Variants in KCNMA1 observed in about 807,000 individuals in gnomAD.
KCNMA1 encodes Calcium-activated potassium channel subunit alpha-1.
Under a neutral mutation model 140.0 loss-of-function variants are expected in KCNMA1, and 29 were observed. That is an observed-to-expected ratio of 0.21 (90% confidence interval 0.15 to 0.28). KCNMA1 has a LOEUF of 0.28. Ranked by LOEUF, KCNMA1 falls within the 10% of genes least tolerant of loss-of-function variation. KCNMA1 has a pLI of 1.00. For synonymous variants in KCNMA1, 612 were observed against 611.9 expected (o/e 1.00, Z 0.00); for missense variants, 880 against 1,602.2 (o/e 0.55, Z 7.70).
At chr10:77,102,376 T>C (rs1057302278) in intron 9 of KCNMA1, among the ~76,000 whole-genome samples, 2 of 152,008 alleles carry the variant, frequency 1.3e-5, no homozygotes, top group South Asian at 2.1e-4. Context: ...CAGGAGGGAA[T>C]AGTGTGCGCT....
At chr10:77,392,659 G>A (rs2095875182) in intron 2 of KCNMA1, among the ~76,000 whole-genome samples, 1 of 152,266 alleles carries the variant, frequency 6.6e-6, no homozygotes, top group Non-Finnish European at 1.5e-5. Flanking sequence ...AGGAATGGAT[G>A]AAGGGATGGA....
chr10:77,142,077 C>T (rs1024990440), intron 5 of KCNMA1, among the ~76,000 whole-genome samples: 2 of 152,064 alleles, frequency 1.3e-5, no homozygotes, highest in Admixed American at 1.3e-4. Context: ...TAAAGAAAAA[C>T]CCTAAGTAGG....
At chr10:77,014,357 T>A (rs956341856) in intron 17 of KCNMA1, among the ~76,000 whole-genome samples, 4 of 147,796 alleles carry the variant, frequency 2.7e-5, no homozygotes, top group Non-Finnish European at 5.9e-5. Flanking sequence ...ATCCAGGAGG[T>A]GGAGGTTGCA....
intron 1 of KCNMA1, among the ~76,000 whole-genome samples, chr10:77,419,298 C>A (rs558939686): frequency 6.6e-6 from 1 of 152,284 alleles, no homozygotes; most frequent in South Asian, 2.1e-4. Context: ...ACTTTGCTGG[C>A]GTCTTGGAAA....
intron 1 of KCNMA1, among the ~76,000 whole-genome samples, chr10:77,545,694 G>T (rs2061316314): frequency 6.6e-6 from 1 of 152,194 alleles, no homozygotes. Context: ...CCGATTTCAG[G>T]GAAATATTCT....
intron 20 of KCNMA1, among the ~76,000 whole-genome samples, chr10:76,966,958 C>T (rs546088698): frequency 6.6e-6 from 1 of 152,264 alleles, no homozygotes. Context: ...ACCTAATGAT[C>T]GTGCAGAGTT....
chr10:77,392,887 G>C (rs539574041), intron 2 of KCNMA1, among the ~76,000 whole-genome samples: 35 of 152,194 alleles, frequency 2.3e-4, no homozygotes, highest in Non-Finnish European at 4.9e-4. Context: ...GGGAGAAGTG[G>C]ATACGGAGAC....
chr10:76,969,100 C>G (rs1216023822), intron 20 of KCNMA1, among the ~76,000 whole-genome samples: 1 of 151,922 alleles, frequency 6.6e-6, no homozygotes, highest in Admixed American at 6.6e-5. Context: ...GAAAAAAATG[C>G]TGGGATTGGC....
chr10:76,934,237 G>A (rs1231756753), intron 23 of KCNMA1, among the ~76,000 whole-genome samples: 1 of 152,206 alleles, frequency 6.6e-6, no homozygotes, highest in African/African-American at 2.4e-5. Flanking sequence ...CCCCCAGTGT[G>A]CTGGGATTAC....
chr10:77,493,108 T>TG, intron 1 of KCNMA1, among the ~76,000 whole-genome samples: 1 of 152,354 alleles, frequency 6.6e-6, no homozygotes, highest in East Asian at 1.9e-4. Context: ...CCACAGTTCC[T>TG]GGCACTAGGT....
At chr10:76,895,606 T>TA (rs2042135821) in intron 25 of KCNMA1, among the ~76,000 whole-genome samples, 1 of 152,218 alleles carries the variant, frequency 6.6e-6, no homozygotes, top group East Asian at 1.9e-4. Flanking sequence ...TATTTGGCCG[T>TA]AAAAAAGAGT....
chr10:76,923,415 C>T lies in KCNMA1; in HGVS notation c.2903-8366G>A, dbSNP rs370027307. Among the ~76,000 whole-genome samples the T allele has an allele frequency of 4.9e-5, 7 of 142,904 alleles. No individual in the cohort carries two copies. In the South Asian group the frequency reaches 1.1e-3, roughly 22 times the overall value. The allele number at this position is 142,904 out of a possible 152,430, so 93.8% of individuals were successfully genotyped here. ...CTGCACTCCAGCCTGGGCAACAAAGCGAGACTCCGTCTCAAAAAAAAAAAA... is the reference window on the plus strand; with the variant it reads ...CTGCACTCCAGCCTGGGCAACAAAGTGAGACTCCGTCTCAAAAAAAAAAAA... On this transcript the variant is annotated intron_variant, in intron 23 of 27. Transcript: ENST00000286628.
At chr10:77,088,551 T>C (rs370909566) in intron 10 of KCNMA1, among the ~76,000 whole-genome samples, 1 of 152,098 alleles carries the variant, frequency 6.6e-6, no homozygotes, top group Admixed American at 6.6e-5. Context: ...CACCACAGCC[T>C]CCAGAGTAGC....
At chr10:77,223,175 G>A (rs537897422) in intron 3 of KCNMA1, among the ~76,000 whole-genome samples, 8 of 152,026 alleles carry the variant, frequency 5.3e-5, no homozygotes, top group African/African-American at 1.2e-4. Context: ...GTTGCAGTGC[G>A]CTGAGATCAT....
At chr10:76,960,229 G>A (rs1484396707) in intron 20 of KCNMA1, among the ~76,000 whole-genome samples, 1 of 152,160 alleles carries the variant, frequency 6.6e-6, no homozygotes, top group Non-Finnish European at 1.5e-5. Context: ...AATTCAGTGT[G>A]CCTAAAGTCT....
At chr10:77,436,579 G>T (rs146504924) in intron 1 of KCNMA1, among the ~76,000 whole-genome samples, 1 of 152,304 alleles carries the variant, frequency 6.6e-6, no homozygotes, top group East Asian at 1.9e-4. Context: ...TCCCAGCAGG[G>T]TTAAGAATCT....
At chr10:77,261,074 G>T (rs898558760) in intron 2 of KCNMA1, among the ~76,000 whole-genome samples, 6 of 152,026 alleles carry the variant, frequency 3.9e-5, no homozygotes, top group Admixed American at 3.9e-4. Context: ...AACCACCTGG[G>T]GGTCTCTATC....
chr10:77,498,909 G>C (rs1318227987), intron 1 of KCNMA1: 1 of 152,168 alleles, frequency 6.6e-6, no homozygotes, highest in Non-Finnish European at 1.5e-5. Flanking sequence ...GGCTGGACCT[G>C]AGTCCTGGCC....
chr10:77,532,022 T>C (rs1360357770), intron 1 of KCNMA1, among the ~76,000 whole-genome samples: 2 of 152,200 alleles, frequency 1.3e-5, no homozygotes, highest in African/African-American at 2.4e-5. Flanking sequence ...CAGTTACCCA[T>C]ATGAATTCAA....
Sources: gnomAD v4.1 joint callset for allele counts (sites outside exome capture counted in the v4.1 genomes callset) on GRCh38, gnomAD v4.1.1 for gene constraint, MANE v1.5 for transcripts, NCBI Gene and HGNC (gene_info 2026-07-23, HGNC 2026-07-21) for gene names.